The following CDIN1 variants were observed in gnomAD, a reference collection of about 807,000 sequenced individuals.
The protein encoded by CDIN1 is CDAN1 interacting nuclease 1, also known as CDAN1-interacting nuclease 1.
CDIN1 carries 33 observed loss-of-function variants against 45.3 expected under a neutral mutation model. The observed-to-expected ratio is 0.73, with a 90% confidence interval of 0.55 to 0.97. The LOEUF is 0.97. Ranked by LOEUF, CDIN1 falls within the 50% of genes least tolerant of loss-of-function variation. CDIN1 has a pLI of 0.00. For missense variants in CDIN1, 303 were observed against 339.4 expected, an observed-to-expected ratio of 0.89 and a Z score of 0.84; for synonymous variants, 118 against 124.4, an observed-to-expected ratio of 0.95 and a Z score of 0.34.
chr15:36,634,394 A>G (rs977347074), intron 1 of CDIN1, among the ~76,000 whole-genome samples: 3 of 152,166 alleles, frequency 2.0e-5, no homozygotes, highest in African/African-American at 7.2e-5. Flanking sequence ...ACTGCACCCC[A>G]GCCTGCAGAG....
intron 10 of CDIN1, among the ~76,000 whole-genome samples, chr15:36,760,000 A>C (rs2053715430): frequency 6.6e-6 from 1 of 152,220 alleles, no homozygotes; most frequent in African/African-American, 2.4e-5. Context: ...GGGGACATAC[A>C]GCCAAATCAT....
intron 10 of CDIN1, chr15:36,746,822 G>A: frequency 4.4e-6 from 1 of 225,148 alleles, no homozygotes; most frequent in Non-Finnish European, 8.0e-6. Flanking sequence ...GCTCACTGCA[G>A]CATTCGCGTC....
intron 10 of CDIN1, among the ~76,000 whole-genome samples, chr15:36,742,086 T>C (rs1240211258): frequency 6.6e-6 from 1 of 152,048 alleles, no homozygotes; most frequent in Non-Finnish European, 1.5e-5. Context: ...TGAAACCAAT[T>C]ATCCAAATAA....
chr15:36,626,218 G>C (rs982718741), intron 1 of CDIN1, among the ~76,000 whole-genome samples: 1 of 149,936 alleles, frequency 6.7e-6, no homozygotes, highest in Non-Finnish European at 1.5e-5. Context: ...TTCAAAACTA[G>C]CTAGAACTGA....
At chr15:36,753,904 C>T (rs1377986966) in intron 10 of CDIN1, among the ~76,000 whole-genome samples, 2 of 150,736 alleles carry the variant, frequency 1.3e-5, no homozygotes, top group African/African-American at 2.4e-5. Context: ...AGTCTAGATA[C>T]AAGAAAAGGG....
intron 8 of CDIN1, among the ~76,000 whole-genome samples, chr15:36,700,085 A>G (rs1411859791): frequency 6.6e-6 from 1 of 152,152 alleles, no homozygotes; most frequent in African/African-American, 2.4e-5. Flanking sequence ...TCATGGGGTT[A>G]TGGTCCAGTA....
At chr15:36,761,827 T>C (rs1365433086) in intron 10 of CDIN1, among the ~76,000 whole-genome samples, 2 of 152,314 alleles carry the variant, frequency 1.3e-5, no homozygotes, top group African/African-American at 2.4e-5. Context: ...GATTTTGTTA[T>C]ACTTTCTTGA....
intron 10 of CDIN1, among the ~76,000 whole-genome samples, chr15:36,725,129 T>C (rs1041424842): frequency 3.3e-5 from 5 of 152,160 alleles, no homozygotes; most frequent in Admixed American, 3.3e-4. Flanking sequence ...TGAAAGGGTC[T>C]GACCTTCCTG....
chr15:36,769,289 T>C (rs976699554), intron 10 of CDIN1, among the ~76,000 whole-genome samples: 7 of 152,150 alleles, frequency 4.6e-5, no homozygotes, highest in African/African-American at 1.7e-4. Flanking sequence ...AGCTCTGAAA[T>C]TCACAGGATA....
intron 5 of CDIN1, among the ~76,000 whole-genome samples, chr15:36,662,094 A>T (rs1025203522): frequency 6.6e-6 from 1 of 152,178 alleles, no homozygotes; most frequent in Non-Finnish European, 1.5e-5. Context: ...CCTCATTATA[A>T]ACTGATGTTT....
At chr15:36,592,365 C>T (rs1025766710) in intron 1 of CDIN1, among the ~76,000 whole-genome samples, 2 of 152,176 alleles carry the variant, frequency 1.3e-5, no homozygotes, top group Non-Finnish European at 2.9e-5. Flanking sequence ...ACAACCTGGG[C>T]TTGCCCCTTC....
intron 10 of CDIN1, among the ~76,000 whole-genome samples, chr15:36,713,855 C>T (rs1029160638): frequency 6.6e-6 from 1 of 152,180 alleles, no homozygotes; most frequent in Admixed American, 6.5e-5. Context: ...CTGCGTTTTG[C>T]TAATAATTTC....
chr15:36,738,086 T>C (rs2044097171), intron 10 of CDIN1, among the ~76,000 whole-genome samples: 1 of 152,184 alleles, frequency 6.6e-6, no homozygotes, highest in Non-Finnish European at 1.5e-5. Context: ...CTGTTCTCTT[T>C]ATGTTGGAGT....
chr15:36,626,681 C>G, intron 1 of CDIN1: 1 of 401,398 alleles, frequency 2.5e-6, no homozygotes, highest in South Asian at 1.9e-5. Context: ...AAATCATGAG[C>G]TTCCTAAGTG....
intron 5 of CDIN1, among the ~76,000 whole-genome samples, chr15:36,690,846 A>G (rs539459467): frequency 9.9e-5 from 15 of 152,130 alleles, no homozygotes; most frequent in Non-Finnish European, 2.1e-4. Context: ...TCTCCCATGC[A>G]TTAAAAGGAA....
intron 10 of CDIN1, among the ~76,000 whole-genome samples, chr15:36,733,917 A>C (rs1404223665): frequency 1.3e-5 from 2 of 152,320 alleles, no homozygotes; most frequent in Middle Eastern, 3.4e-3. Context: ...ATTTAATTAA[A>C]AAGTAAAATA....
At chr15:36,692,073 T>C (rs2042273029) in intron 6 of CDIN1, 53 bp from the exon 7 acceptor site, 16 of 1,541,836 alleles carry the variant, frequency 1.0e-5, no homozygotes, top group Middle Eastern at 1.7e-4. Flanking sequence ...TTGTTTACTG[T>C]AATAGTTTTT....
At chr15:36,708,492 C>A (rs2042948698) in intron 8 of CDIN1, 1 of 144,750 alleles carries the variant, frequency 6.9e-6, no homozygotes, top group Admixed American at 6.9e-5. Flanking sequence ...TAAACAATCA[C>A]CTTTCTAGTT....
At chr15:36,754,758 G>A (rs2053565201) in intron 10 of CDIN1, among the ~76,000 whole-genome samples, 1 of 151,932 alleles carries the variant, frequency 6.6e-6, no homozygotes, top group South Asian at 2.1e-4. Flanking sequence ...AGGATAAAAA[G>A]GCCTTTAGAA....
Sources: gnomAD v4.1 joint callset for allele counts (sites outside exome capture counted in the v4.1 genomes callset) on GRCh38, gnomAD v4.1.1 for gene constraint, MANE v1.5 for transcripts, NCBI Gene and HGNC (gene_info 2026-07-23, HGNC 2026-07-21) for gene names.